Variants in SPECC1 observed in about 807,000 individuals in gnomAD.
SPECC1 encodes the protein sperm antigen with calponin homology and coiled-coil domains 1.
Under a neutral mutation model 104.1 loss-of-function variants are expected in SPECC1, and 62 were observed. The observed-to-expected ratio is 0.60, with a 90% confidence interval of 0.49 to 0.74. The LOEUF is 0.74. Ranked by LOEUF, SPECC1 falls within the 30% of genes least tolerant of loss-of-function variation. SPECC1 has a pLI of 0.00. For synonymous variants in SPECC1, 513 were observed against 501.6 expected, an observed-to-expected ratio of 1.02 and a Z score of -0.30; for missense variants, 1,306 against 1,310.5, an observed-to-expected ratio of 1.00 and a Z score of 0.05.
At position 20,316,377 on chromosome 17, in the gene SPECC1, T is replaced by G. The variant is rs979845361; in HGVS notation, c.*2312T>G. The G allele has an allele frequency of 9.1e-6, 2 of 218,662 alleles. No homozygotes were observed. The highest frequency in any genetic ancestry group is 4.5e-5 in the African/African-American group (2 of 44,460). The allele number at this position is 218,662 out of a possible 1,614,324, so 13.5% of individuals were successfully genotyped here. ...GGTTCTGTTTTTTATTTTTACTTATTTATTTTGAGATGGAGTTTCATCCTT... is the reference window on the plus strand; with the variant it reads ...GGTTCTGTTTTTTATTTTTACTTATGTATTTTGAGATGGAGTTTCATCCTT... On this transcript the variant is annotated 3_prime_UTR_variant, in exon 15 of 15. Transcript: ENST00000395527.
rs2043873256 is a variant in SPECC1 at position 20,009,842 on chromosome 17, G to C, written c.-22+418G>C. On this transcript the variant is annotated intron_variant, in intron 1 of 14. Transcript: ENST00000395527. The surrounding 1 kb of genome is among the most constrained non-coding windows in gnomAD (Gnocchi z 5.2). ...GGGCACGCCCGGCCCCGGCTCCTGG[G>C]TCTCGGGAGCCTCCCGCACCCTCCC... is the stretch of plus-strand genomic sequence containing the variant. The C allele has an allele frequency of 6.6e-6, 1 of 152,338 alleles. No homozygotes were observed. The highest frequency in any genetic ancestry group is 2.4e-5 in the African/African-American group (1 of 41,470). The allele number at this position is 152,338 out of a possible 1,614,324, so 9.4% of individuals were successfully genotyped here.
chr17:20,074,275 A>AT (rs1567825540), intron 1 of SPECC1, among the ~76,000 whole-genome samples: 3 of 152,296 alleles, frequency 2.0e-5, no homozygotes, highest in African/African-American at 7.2e-5. Flanking sequence ...TCTGGGCAAT[A>AT]CATACATTGT....
intron 14 of SPECC1, among the ~76,000 whole-genome samples, chr17:20,309,282 C>T (rs1372353401): frequency 6.6e-6 from 1 of 152,144 alleles, no homozygotes; most frequent in Non-Finnish European, 1.5e-5. Flanking sequence ...CAGTAATCCC[C>T]AAATCTTCAG....
chr17:20,015,582 C>CTTTTTTTTTTTTTTTTTTT, intron 1 of SPECC1, among the ~76,000 whole-genome samples: 1 of 81,050 alleles, frequency 1.2e-5, no homozygotes, highest in African/African-American at 4.2e-5. Flanking sequence ...TTCCGGGTCT[C>CTTTTTTTTTTTTTTTTTTT]TATTTTTTTT....
At chr17:20,193,552 G>A (rs1305976567) in intron 3 of SPECC1, among the ~76,000 whole-genome samples, 1 of 152,122 alleles carries the variant, frequency 6.6e-6, no homozygotes, top group Non-Finnish European at 1.5e-5. Context: ...CTTACATTCA[G>A]AGTAGAGAGG....
At chr17:20,250,863 A>G (rs934657504) in intron 9 of SPECC1, among the ~76,000 whole-genome samples, 2 of 122,620 alleles carry the variant, frequency 1.6e-5, no homozygotes, top group Non-Finnish European at 3.2e-5. Context: ...TGTTGGGTTT[A>G]TTCCAGGAAT....
At chr17:20,051,082 TTC>T (rs766636098) in intron 1 of SPECC1, among the ~76,000 whole-genome samples, 2 of 73,778 alleles carry the variant, frequency 2.7e-5, no homozygotes, top group South Asian at 5.5e-4. Context: ...CTTTCTTTCT[TTC>T]TTTCTTTCTT....
chr17:20,178,456 A>C (rs1474401751), intron 3 of SPECC1, among the ~76,000 whole-genome samples: 1 of 152,206 alleles, frequency 6.6e-6, no homozygotes, highest in East Asian at 1.9e-4. Context: ...TGATCCACTT[A>C]AAAGGGGGTT....
intron 3 of SPECC1, among the ~76,000 whole-genome samples, chr17:20,161,164 T>C (rs2033109774): frequency 6.6e-6 from 1 of 152,186 alleles, no homozygotes; most frequent in African/African-American, 2.4e-5. Context: ...TGAGCTGAGA[T>C]CGCGCTACTG....
intron 13 of SPECC1, among the ~76,000 whole-genome samples, chr17:20,303,616 A>G (rs888781314): frequency 6.6e-6 from 1 of 152,216 alleles, no homozygotes; most frequent in Non-Finnish European, 1.5e-5. Context: ...ATGATGTATG[A>G]AATCTAAAAT....
intron 5 of SPECC1, among the ~76,000 whole-genome samples, chr17:20,227,863 C>T (rs1467695839): frequency 2.6e-5 from 4 of 152,044 alleles, no homozygotes; most frequent in South Asian, 2.1e-4. Flanking sequence ...TGCAGTGAGC[C>T]GAGATTGCGC....
At chr17:20,245,793 C>T in intron 7 of SPECC1, 133 bp from the exon 8 acceptor site, 10 of 1,049,908 alleles carry the variant, frequency 9.5e-6, no homozygotes, top group Non-Finnish European at 1.2e-5. Context: ...GTAGAGAAAA[C>T]AGGATGTTAA....
chr17:20,180,862 T>A (rs1258934491), intron 3 of SPECC1, among the ~76,000 whole-genome samples: 2 of 152,300 alleles, frequency 1.3e-5, no homozygotes, highest in East Asian at 3.9e-4. Flanking sequence ...GTACAGGGAA[T>A]GTACATTTTC....
rs189952341 is a variant in SPECC1, at chr17:20,265,808, T to G, written c.2940+5514T>G. On this transcript the variant is annotated intron_variant, in intron 12 of 14. Coordinates refer to ENST00000395527, the MANE Select transcript of SPECC1 (RefSeq NM_001243439.2). ...AGAGGTCTAGTTTCTATCTTCTGCG[T>G]ATGGTCAGCCAGTCATCCCAGCAGC... is the stretch of plus-strand genomic sequence containing the variant. Among the ~76,000 whole-genome samples the G allele has an allele frequency of 3.3e-5, 5 of 152,378 alleles. No individual in the cohort carries two copies. In the East Asian group the frequency reaches 9.6e-4, roughly 29 times the overall value.
chr17:20,191,719 G>C (rs1256346359), intron 3 of SPECC1, among the ~76,000 whole-genome samples: 4 of 151,710 alleles, frequency 2.6e-5, no homozygotes, highest in Non-Finnish European at 5.9e-5. Flanking sequence ...TCATTGTTCA[G>C]CTCCTACTTA....
intron 1 of SPECC1, among the ~76,000 whole-genome samples, chr17:20,092,630 G>A (rs2047452315): frequency 6.6e-6 from 1 of 152,146 alleles, no homozygotes; most frequent in Admixed American, 6.5e-5. Flanking sequence ...CCATCACTGT[G>A]TGCTGCTGAG....
At chr17:20,281,906 G>A (rs1725220354) in intron 12 of SPECC1, among the ~76,000 whole-genome samples, 1 of 152,358 alleles carries the variant, frequency 6.6e-6, no homozygotes, top group Middle Eastern at 3.4e-3. Flanking sequence ...CGAGGTGAGG[G>A]CACAGAGAAG....
At chr17:20,266,337 A>G (rs2040216522) in intron 12 of SPECC1, among the ~76,000 whole-genome samples, 1 of 152,182 alleles carries the variant, frequency 6.6e-6, no homozygotes, top group Admixed American at 6.5e-5. Context: ...TAATCCCAGC[A>G]CTTTGGGAGG....
rs186264934 is a variant in SPECC1 at position 20,193,831 on chromosome 17, G to A, written c.284-10502G>A. ...TATAGGGTTGTTAGCTGATTGTAATGTGCCCAGAATTAGAATACTAATCCA... is the reference window on the plus strand; with the variant it reads ...TATAGGGTTGTTAGCTGATTGTAATATGCCCAGAATTAGAATACTAATCCA... On this transcript the variant is annotated intron_variant, in intron 3 of 14. Coordinates refer to ENST00000395527, the MANE Select transcript of SPECC1 (RefSeq NM_001243439.2). 2.0e-4 allele frequency among the ~76,000 whole-genome samples: 31 copies of A among 152,294 alleles called. 1 individual carries two copies. In the East Asian group the frequency reaches 6.0e-3, roughly 29 times the overall value.
Sources: allele counts gnomAD v4.1 joint callset (sites outside exome capture counted in the v4.1 genomes callset), GRCh38; gene constraint gnomAD v4.1.1; non-coding constraint Gnocchi (gnomAD v3.1); transcripts MANE v1.5; gene names NCBI Gene and HGNC (gene_info 2026-07-23, HGNC 2026-07-21).